The following MMS19 variants were observed in gnomAD, a reference collection of about 807,000 sequenced individuals.
MMS19 encodes MMS19 cytosolic iron-sulfur assembly component.
Under a neutral mutation model 129.8 loss-of-function variants are expected in MMS19, and 77 were observed. The observed-to-expected ratio is 0.59, with a 90% CI of 0.49 to 0.72. The LOEUF is 0.72. Ranked by LOEUF, MMS19 falls within the 30% of genes least tolerant of loss-of-function variation. The pLI is 0.00. For missense variants in MMS19, 1,168 were observed against 1,266.3 expected (o/e 0.92, Z 1.18); for synonymous variants, 491 against 502.8 (o/e 0.98, Z 0.31).
intron 8 of MMS19, among the ~76,000 whole-genome samples, chr10:97,474,748 C>T (rs989978088): frequency 6.6e-6 from 1 of 152,102 alleles, no homozygotes; most frequent in African/African-American, 2.4e-5. Flanking sequence ...AGAAATCTTC[C>T]TAATATTATC....
At chr10:97,495,088 G>A (rs1327510279) in intron 1 of MMS19, among the ~76,000 whole-genome samples, 1 of 152,214 alleles carries the variant, frequency 6.6e-6, no homozygotes, top group East Asian at 1.9e-4. Flanking sequence ...CCTTGGGGAG[G>A]GGTAGGGAAC....
At chr10:97,493,323 T>C (rs1353031685) in intron 1 of MMS19, among the ~76,000 whole-genome samples, 1 of 152,126 alleles carries the variant, frequency 6.6e-6, no homozygotes, top group African/African-American at 2.4e-5. Context: ...GAAAGACATT[T>C]AAAACAATCA....
At position 97,476,934 on chromosome 10, in the gene MMS19, A is replaced by C. The variant is rs1230132946; in HGVS notation, c.523T>G (p.Phe175Val). ...CCATCCATCACCTGGATGAAGCCAA[A>C]GGTGAAGTCAGCTCCTAGGCTCTTT... ...ELKSLGADFT[F>V]GFIQVMDGEK... The change falls in exon 7 of 31, where the codon TTT becomes GTT. Residue 175 changes from phenylalanine to valine, a missense_variant. Phe to Val is a conservative substitution (Grantham distance 50). This residue lies in a region of MMS19 where 329 missense variants were observed against 328.6 expected (regional missense o/e 1.00). Transcript: ENST00000438925. 6.2e-7 allele frequency: 1 copy of C among 1,613,878 alleles called. No homozygotes were observed. Among genetic ancestry groups the C allele is most frequent in the Non-Finnish European group, 8.5e-7 (1 of 1,179,790 alleles).
At chr10:97,488,652 G>GTA (rs948232450) in intron 1 of MMS19, among the ~76,000 whole-genome samples, 5 of 152,280 alleles carry the variant, frequency 3.3e-5, no homozygotes, top group Non-Finnish European at 7.4e-5. Context: ...TTGTTACATT[G>GTA]TATTGTTTAG....
chr10:97,482,853 C>G (rs866584287), intron 2 of MMS19, among the ~76,000 whole-genome samples: 1 of 151,846 alleles, frequency 6.6e-6, no homozygotes, highest in Non-Finnish European at 1.5e-5. Flanking sequence ...CTCCGCCTCG[C>G]GGGTTCACCC....
chr10:97,479,230 A>C (rs1372073857), intron 3 of MMS19, among the ~76,000 whole-genome samples: 3 of 152,124 alleles, frequency 2.0e-5, no homozygotes, highest in Non-Finnish European at 4.4e-5. Context: ...ATGAGGACCA[A>C]GAACCCTGGT....
chr10:97,466,167 C>T lies in MMS19; in HGVS notation c.1506-8G>A, dbSNP rs1221252458. 21 of 1,557,710 alleles carry T rather than the reference C, an allele frequency of 1.3e-5. No individual in the cohort carries two copies. Among genetic ancestry groups the T allele is most frequent in the Admixed American group, 1.9e-5 (1 of 51,290 alleles). The stretch of plus-strand genomic sequence containing the variant: ...TCCAGTGCTGCCACCCTGCTGGAGG[C>T]GCAGAGCAGATAAGCATTGGCTGAG... On this transcript the variant is annotated splice_region_variant and splice_polypyrimidine_tract_variant and intron_variant, in intron 16 of 30. Coordinates refer to ENST00000438925, the MANE Select transcript of MMS19 (RefSeq NM_022362.5).
At chr10:97,473,002 CAT>C (rs377531660) in intron 8 of MMS19, among the ~76,000 whole-genome samples, 147 of 152,170 alleles carry the variant, frequency 9.7e-4, no homozygotes, top group African/African-American at 3.4e-3. Context: ...GGACTGCAGA[CAT>C]GTGCAACTGC....
In MMS19 at chr10:97,459,712, A is replaced by G. The variant is rs2031154690; in HGVS notation, c.2686T>C (p.Ser896Pro). 1 of 1,612,434 alleles carries G rather than the reference A, an allele frequency of 6.2e-7. No individual in the cohort carries two copies. The highest frequency in any genetic ancestry group is 1.7e-5 in the Admixed American group (1 of 59,732). The change falls in exon 27 of 31, where the codon TCT becomes CCT. Residue 896 changes from serine to proline, a missense_variant. Transcript: ENST00000438925. ...TTGGGCAGCCTGTTAAGTACATGAG[A>G]AAGACCCTTCAAGTAGTTTGGCTTC... ...DVKPNYLKGL[S>P]HVLNRLPKPV...
At chr10:97,475,519 G>A (rs1425949155) in intron 8 of MMS19, among the ~76,000 whole-genome samples, 5 of 151,842 alleles carry the variant, frequency 3.3e-5, no homozygotes, top group East Asian at 1.9e-4. Flanking sequence ...GTTGGATCAC[G>A]AAGTCAGGGG....
intron 3 of MMS19, 97 bp from the exon 4 acceptor site, chr10:97,478,486 G>C (rs962724332): frequency 2.3e-6 from 2 of 858,620 alleles, no homozygotes; most frequent in Non-Finnish European, 3.7e-6. Flanking sequence ...TTTCTGTTTG[G>C]GTTCCACTAC....
At chr10:97,485,466 C>G (rs1420473802) in intron 1 of MMS19, among the ~76,000 whole-genome samples, 2 of 152,216 alleles carry the variant, frequency 1.3e-5, no homozygotes, top group Admixed American at 6.5e-5. Context: ...GTGCCCACCA[C>G]CACGCCTGGC....
intron 1 of MMS19, among the ~76,000 whole-genome samples, chr10:97,488,166 AACT>A (rs1162287252): frequency 6.6e-6 from 1 of 152,228 alleles, no homozygotes; most frequent in Non-Finnish European, 1.5e-5. Context: ...ACATAAAAGG[AACT>A]ACAAGTATGT....
At chr10:97,475,886 G>A (rs1007686050) in intron 8 of MMS19, among the ~76,000 whole-genome samples, 1 of 152,204 alleles carries the variant, frequency 6.6e-6, no homozygotes, top group African/African-American at 2.4e-5. Context: ...TTATGAAAGA[G>A]ATAAAAAGAT....
At chr10:97,469,492 A>G (rs893303370) in intron 11 of MMS19, among the ~76,000 whole-genome samples, 154 bp downstream of exon 11, 1 of 152,204 alleles carries the variant, frequency 6.6e-6, no homozygotes, top group African/African-American at 2.4e-5. Flanking sequence ...CTTGTCATTC[A>G]ACTAGAATTA....
rs763362718 is a variant in MMS19 at position 97,469,093 on chromosome 10, C to A, written c.936G>T (p.Thr312=). 5 of 1,578,002 alleles carry A rather than the reference C, an allele frequency of 3.2e-6. No individual in the cohort carries two copies. The African/African-American group carries it at 6.7e-5, about 21-fold the overall frequency. The change falls in exon 12 of 31, where the codon ACG becomes ACT. Residue 312 remains threonine (T), a synonymous_variant. Transcript: ENST00000438925. ...CCTCTGCCTCCACCCGCTCACTTGC[C>A]GTCTGGAACACCTGTCAGGGAGGGA... ...WASIRREVFQ[T]ASERVEAEGL...
At chr10:97,498,499 T>A, upstream of MMS19, 4 of 1,453,632 alleles carry the variant, frequency 2.8e-6, no homozygotes, top group Non-Finnish European at 3.7e-6. Flanking sequence ...GGCGCCGGGG[T>A]CACGTGCCTG....
rs775430370 is a variant in MMS19, at chr10:97,469,737, C to A, written c.847-14G>T. On this transcript the variant is annotated splice_polypyrimidine_tract_variant and intron_variant, in intron 10 of 30. Transcript: ENST00000438925. ...ACAGCAAGCATTCTGCCAAGGAAAC[C>A]GCTGCTATCAGTTATGTACACACTC... 1 of 1,612,376 alleles carries A rather than the reference C, an allele frequency of 6.2e-7. No homozygotes were observed. Among genetic ancestry groups the A allele is most frequent in the Non-Finnish European group, 8.5e-7 (1 of 1,178,700 alleles).
In MMS19 at chr10:97,469,672, T is replaced by C. The variant is rs2034276524; in HGVS notation, c.898A>G (p.Ser300Gly). 3 of 1,613,838 alleles carry C rather than the reference T, an allele frequency of 1.9e-6. No homozygotes were observed. The highest frequency in any genetic ancestry group is 2.5e-6 in the Non-Finnish European group (3 of 1,179,864). Reference protein sequence around the residue: ...GQKELKDFLPSLWASIRREVF... With the variant: ...GQKELKDFLPGLWASIRREVF... Reference sequence around the variant, plus strand: ...TCTCTGCGGATAGAAGCCCAAAGGCTGGGGAGGAAGTCCTTCAGTTCCTTC... The same window carrying C: ...TCTCTGCGGATAGAAGCCCAAAGGCCGGGGAGGAAGTCCTTCAGTTCCTTC... Residue 300 changes from serine to glycine, a missense_variant, in exon 11 of 31, where the codon AGC (serine) becomes GGC (glycine). This residue lies in a region of MMS19 where 831 missense variants were observed against 910.8 expected (regional missense o/e 0.91). Transcript: ENST00000438925.
Sources: allele counts gnomAD v4.1 joint callset (sites outside exome capture counted in the v4.1 genomes callset), GRCh38; gene constraint gnomAD v4.1.1; regional missense constraint gnomAD v4.1.1; transcripts MANE v1.5; gene names NCBI Gene and HGNC (gene_info 2026-07-23, HGNC 2026-07-21).